The following ADAMTS16 variants were observed in gnomAD, a reference collection of about 807,000 sequenced individuals.
The protein encoded by ADAMTS16 is A disintegrin and metalloproteinase with thrombospondin motifs 16.
In ADAMTS16, 94 loss-of-function variants were observed where a neutral mutation model predicts 145.8. The observed-to-expected ratio is 0.64, with a 90% CI of 0.55 to 0.77. The LOEUF (loss-of-function observed/expected upper bound fraction) is 0.77, where lower values mean the gene tolerates loss of function less well. Ranked by LOEUF, ADAMTS16 falls within the 30% of genes least tolerant of loss-of-function variation. The pLI, the probability that ADAMTS16 is intolerant of heterozygous loss-of-function variation, is 0.00. For missense variants in ADAMTS16, 1,585 were observed against 1,591.5 expected (o/e 1.00, Z 0.07); for synonymous variants, 659 against 604.3 (o/e 1.09, Z -1.33).
intron 17 of ADAMTS16, 105 bp downstream of exon 17, chr5:5,242,296 T>A: frequency 7.0e-7 from 1 of 1,421,782 alleles, no homozygotes; most frequent in Non-Finnish European, 9.3e-7. Flanking sequence ...CCGGGGCTTC[T>A]CCCTGCCAGT....
Position 5,229,026 on chromosome 5 carries a change from C to T in ADAMTS16, c.1702-3342C>T, listed in dbSNP as rs192417073. ...TAAGAAGTTCTAAGTTGGCCGGGCG[C>T]GGTGGCTCACGCCTGTAATCCCAGC... On this transcript the variant is annotated intron_variant, in intron 11 of 22. Transcript: ENST00000274181. Among the ~76,000 whole-genome samples, 1,429 of 152,252 alleles carry T rather than the reference C, an allele frequency of 9.4e-3. 11 individuals carry two copies. The highest frequency in any genetic ancestry group is 0.031 in the Middle Eastern group (9 of 294).
Position 5,239,787 on chromosome 5 carries a change from C to G in ADAMTS16, c.2385C>G (p.Tyr795Ter). The G allele has an allele frequency of 6.2e-7, 1 of 1,614,178 alleles. No homozygotes were observed. ...YISVRNALRR[Y>*]YLNGHWTVDW... ...CTGTGCGCAATGCCCTCAGAAGGTACTACCTGAATGGGCACTGGACCGTGG... is the reference window on the plus strand; with the variant it reads ...CTGTGCGCAATGCCCTCAGAAGGTAGTACCTGAATGGGCACTGGACCGTGG... Residue 795 changes from tyrosine (Y) to a stop codon, truncating the protein, a stop_gained, in exon 16 of 23, where the codon TAC (tyrosine) becomes TAG (stop). Transcript: ENST00000274181. LOFTEE classifies it high-confidence loss of function.
At chr5:5,232,258 T>A in intron 11 of ADAMTS16, 110 bp from the exon 12 acceptor site, 2 of 1,272,066 alleles carry the variant, frequency 1.6e-6, no homozygotes. Flanking sequence ...GAGGCTAATG[T>A]CTGCATAGTT....
chr5:5,267,226 C>T (rs559463879), intron 18 of ADAMTS16, among the ~76,000 whole-genome samples: 26 of 152,300 alleles, frequency 1.7e-4, no homozygotes, highest in African/African-American at 6.3e-4. Flanking sequence ...AGCTCCTGAA[C>T]TCCCAGTGGG....
chr5:5,252,354 G>A (rs1252040647), intron 17 of ADAMTS16, among the ~76,000 whole-genome samples: 1 of 152,116 alleles, frequency 6.6e-6, no homozygotes, highest in African/African-American at 2.4e-5. Context: ...TTGCCCTGGG[G>A]GGAAAACTGC....
chr5:5,289,223 C>A (rs1045213198), intron 18 of ADAMTS16, among the ~76,000 whole-genome samples: 3 of 152,196 alleles, frequency 2.0e-5, no homozygotes, highest in Non-Finnish European at 2.9e-5. Flanking sequence ...GCTTAGTGCC[C>A]TGCCTAGCAT....
chr5:5,220,844 G>C (rs1189630646), intron 10 of ADAMTS16, among the ~76,000 whole-genome samples: 1 of 151,962 alleles, frequency 6.6e-6, no homozygotes, highest in Non-Finnish European at 1.5e-5. Flanking sequence ...AAACTCTACT[G>C]GACCATTGTG....
chr5:5,305,467 A>ACATCC (rs1198372586), intron 20 of ADAMTS16, among the ~76,000 whole-genome samples: 3 of 96,556 alleles, frequency 3.1e-5, no homozygotes. Context: ...ACACACACAC[A>ACATCC]CATCCCACAC....
chr5:5,320,091 T>TG lies in ADAMTS16; in HGVS notation c.*953_*954insG. 5.6e-6 allele frequency: 2 copies of TG among 356,258 alleles called. No individual in the cohort carries two copies. Among genetic ancestry groups the TG allele is most frequent in the East Asian group, 1.0e-4 (1 of 10,004 alleles). The allele number at this position is 356,258 out of a possible 1,614,324, so 22.1% of individuals were successfully genotyped here. A position where few individuals can be genotyped will look rare whatever the true frequency, so the allele number is the denominator to read the frequency against. On this transcript the variant is annotated 3_prime_UTR_variant, in exon 23 of 23. Transcript: ENST00000274181. This position sits in a 1 kb window ranked among gnomAD's most constrained non-coding sequence, Gnocchi z 5.1. ...GTGTGTTGTGAGATTTTAATCTTTT[T>TG]TTTTTCGGTGAGTCTGGCCATTTCT...
intron 18 of ADAMTS16, among the ~76,000 whole-genome samples, chr5:5,291,030 C>CA (rs1560990734): frequency 6.6e-6 from 1 of 152,174 alleles, no homozygotes; most frequent in Non-Finnish European, 1.5e-5. Context: ...TCAACCTCCC[C>CA]ATTCTTCTAA....
chr5:5,260,503 G>C (rs376727004), intron 17 of ADAMTS16, among the ~76,000 whole-genome samples: 1 of 152,302 alleles, frequency 6.6e-6, no homozygotes, highest in East Asian at 1.9e-4. Context: ...ACTTACCTGG[G>C]TTAAATATAT....
chr5:5,264,224 G>A (rs1030072336), intron 18 of ADAMTS16, among the ~76,000 whole-genome samples: 2 of 152,118 alleles, frequency 1.3e-5, no homozygotes, highest in African/African-American at 4.8e-5. Context: ...TCTGGTCTGT[G>A]GGTTTCAGAT....
At chr5:5,271,788 A>G (rs1738485249) in intron 18 of ADAMTS16, among the ~76,000 whole-genome samples, 1 of 152,180 alleles carries the variant, frequency 6.6e-6, no homozygotes, top group African/African-American at 2.4e-5. Flanking sequence ...ACGCCGAGTA[A>G]GAGTCTGGAT....
At chr5:5,276,752 C>G (rs1422588839) in intron 18 of ADAMTS16, among the ~76,000 whole-genome samples, 1 of 152,068 alleles carries the variant, frequency 6.6e-6, no homozygotes, top group East Asian at 1.9e-4. Flanking sequence ...GACTGTTGAG[C>G]CCAGAAACAG....
intron 13 of ADAMTS16, among the ~76,000 whole-genome samples, chr5:5,236,727 G>C (rs1284156443): frequency 1.3e-5 from 2 of 152,050 alleles, no homozygotes; most frequent in East Asian, 3.9e-4. Context: ...GCCAAACACT[G>C]TATAAAAATC....
intron 21 of ADAMTS16, among the ~76,000 whole-genome samples, chr5:5,312,982 C>T (rs921130658): frequency 1.3e-5 from 2 of 152,238 alleles, no homozygotes; most frequent in African/African-American, 4.8e-5. Flanking sequence ...GCAGAGACTT[C>T]AGGCAAATTT....
chr5:5,149,737 C>G (rs72739701), intron 3 of ADAMTS16, among the ~76,000 whole-genome samples: 2 of 152,308 alleles, frequency 1.3e-5, no homozygotes, highest in Non-Finnish European at 2.9e-5. Context: ...CTAATTTCCC[C>G]ATTCCCATCC....
In ADAMTS16 at chr5:5,269,622, C is replaced by T. The variant is rs913540847; in HGVS notation, c.2789+6839C>T. 1.3e-5 allele frequency among the ~76,000 whole-genome samples: 2 copies of T among 152,168 alleles called. No homozygotes were observed. Among genetic ancestry groups the T allele is most frequent in the East Asian group, 1.9e-4 (1 of 5,182 alleles). ...CTGCCCTCCCTCCCATCACAAAGGG[C>T]AGATGGTCCCGAGCCTCTAGAGGAG... On this transcript the variant is annotated intron_variant, in intron 18 of 22. Transcript: ENST00000274181. The surrounding 1 kb of genome is among the most constrained non-coding windows in gnomAD (Gnocchi z 4.3).
intron 3 of ADAMTS16, among the ~76,000 whole-genome samples, chr5:5,156,779 C>T (rs1364620987): frequency 6.6e-6 from 1 of 152,184 alleles, no homozygotes; most frequent in Non-Finnish European, 1.5e-5. Flanking sequence ...TTTGGCTACT[C>T]TAAATCACTT....
Sources: allele counts gnomAD v4.1 joint callset (sites outside exome capture counted in the v4.1 genomes callset), GRCh38; gene constraint gnomAD v4.1.1; non-coding constraint Gnocchi (gnomAD v3.1); transcripts MANE v1.5; gene names NCBI Gene and HGNC (gene_info 2026-07-23, HGNC 2026-07-21).